The following SCAPER variants were observed in gnomAD, a reference collection of about 807,000 sequenced individuals.
SCAPER encodes the protein S phase cyclin A-associated protein in the endoplasmic reticulum.
A neutral mutation model predicts 182.2 loss-of-function variants in SCAPER; 98 were observed. The ratio of observed to expected loss-of-function variants is 0.54; its 90% CI spans 0.46 to 0.64. SCAPER has a LOEUF of 0.64. SCAPER is among the 30% of genes least tolerant of loss of function. The pLI is 0.00. For missense variants in SCAPER, 1,432 were observed against 1,690.0 expected (o/e 0.85, Z 2.68); for synonymous variants, 605 against 564.6 (o/e 1.07, Z -1.01).
chr15:76,699,837 T>C (rs771219140), intron 20 of SCAPER, among the ~76,000 whole-genome samples: 7 of 152,266 alleles, frequency 4.6e-5, no homozygotes, highest in Non-Finnish European at 1.0e-4. Context: ...CAGTTGCAGC[T>C]GGCAGAGTGT....
chr15:76,446,683 AC>A (rs1188650987), intron 25 of SCAPER, among the ~76,000 whole-genome samples: 1 of 152,162 alleles, frequency 6.6e-6, no homozygotes, highest in African/African-American at 2.4e-5. Flanking sequence ...ATTCTGGAGA[AC>A]CCCCTACAGT....
At chr15:76,837,031 A>G (rs1379665202) in intron 5 of SCAPER, among the ~76,000 whole-genome samples, 1 of 152,202 alleles carries the variant, frequency 6.6e-6, no homozygotes, top group Non-Finnish European at 1.5e-5. Flanking sequence ...AAAATAAAAA[A>G]TAGACAAGTG....
chr15:76,694,363 T>G (rs924697757), intron 20 of SCAPER, among the ~76,000 whole-genome samples: 1 of 152,170 alleles, frequency 6.6e-6, no homozygotes, highest in African/African-American at 2.4e-5. Context: ...ATGAATGAGA[T>G]AATTTTATTA....
chr15:76,439,377 G>T (rs1382699759), intron 25 of SCAPER, among the ~76,000 whole-genome samples: 2 of 152,128 alleles, frequency 1.3e-5, no homozygotes, highest in Non-Finnish European at 2.9e-5. Flanking sequence ...TTGACAAAAA[G>T]AAACTTCAAG....
chr15:76,648,061 A>G (rs2093792573), intron 21 of SCAPER, among the ~76,000 whole-genome samples: 1 of 152,190 alleles, frequency 6.6e-6, no homozygotes, highest in Non-Finnish European at 1.5e-5. Context: ...AAAATAAAAT[A>G]CTAATAACAA....
intron 20 of SCAPER, among the ~76,000 whole-genome samples, chr15:76,696,673 TTAGA>T (rs1489003778): frequency 2.6e-5 from 4 of 152,230 alleles, no homozygotes; most frequent in South Asian, 4.1e-4. Flanking sequence ...ATCAGCTTCT[TTAGA>T]TAGTGTGAAA....
intron 15 of SCAPER, among the ~76,000 whole-genome samples, chr15:76,735,718 GA>G (rs1239831747): frequency 6.9e-6 from 1 of 144,414 alleles, no homozygotes; most frequent in African/African-American, 2.5e-5. Flanking sequence ...AAAAAAGAAA[GA>G]AAAAAAGATA....
At chr15:76,469,733 G>A (rs2049984207) in intron 25 of SCAPER, among the ~76,000 whole-genome samples, 1 of 151,884 alleles carries the variant, frequency 6.6e-6, no homozygotes, top group Non-Finnish European at 1.5e-5. Flanking sequence ...AACCTCTCTG[G>A]GACTCAAGTT....
intron 24 of SCAPER, among the ~76,000 whole-genome samples, chr15:76,482,257 C>A (rs991980219): frequency 6.6e-6 from 1 of 152,104 alleles, no homozygotes; most frequent in Non-Finnish European, 1.5e-5. Context: ...AATGGTATAG[C>A]TCCACATAAA....
chr15:76,870,606 TC>T (rs2072643159), intron 2 of SCAPER, among the ~76,000 whole-genome samples: 1 of 151,380 alleles, frequency 6.6e-6, no homozygotes, highest in Non-Finnish European at 1.5e-5. Flanking sequence ...AACTGAAGAA[TC>T]AAAAAACTGA....
intron 8 of SCAPER, among the ~76,000 whole-genome samples, chr15:76,787,271 AC>A (rs1188346524): frequency 6.6e-6 from 1 of 152,252 alleles, no homozygotes; most frequent in Non-Finnish European, 1.5e-5. Context: ...AATTGATGGA[AC>A]AAAAAACATA....
At position 76,793,249 on chromosome 15, in the gene SCAPER, T is replaced by C. The variant is rs1409880217; in HGVS notation, c.772+2031A>G. The C allele has an allele frequency of 6.4e-6, 7 of 1,088,776 alleles. No homozygotes were observed. The South Asian group carries it at 9.4e-5, about 15-fold the overall frequency. The allele number at this position is 1,088,776 out of a possible 1,614,324, so 67.4% of individuals were successfully genotyped here. A position where few individuals can be genotyped will look rare whatever the true frequency, so the allele number is the denominator to read the frequency against. On this transcript the variant is annotated intron_variant, in intron 8 of 31. Transcript: ENST00000563290. Reference sequence around the variant, plus strand: ...AGTATACACCTGTGATATTGCAAAATATATATTTGGTCTTCATCTCAAGTC... The same window carrying C: ...AGTATACACCTGTGATATTGCAAAACATATATTTGGTCTTCATCTCAAGTC...
At chr15:76,434,379 A>G (rs548656596) in intron 25 of SCAPER, 69 bp from the exon 26 acceptor site, 6 of 1,092,782 alleles carry the variant, frequency 5.5e-6, no homozygotes, top group Non-Finnish European at 6.7e-6. Flanking sequence ...GACAGTTTAG[A>G]ACATTTCTGG....
chr15:76,394,090 C>G (rs567717624), intron 27 of SCAPER, among the ~76,000 whole-genome samples: 1 of 152,004 alleles, frequency 6.6e-6, no homozygotes, highest in Non-Finnish European at 1.5e-5. Context: ...TTATTGTAAC[C>G]GTAACAAGAA....
intron 22 of SCAPER, among the ~76,000 whole-genome samples, chr15:76,606,564 A>G (rs1161390743): frequency 2.0e-5 from 3 of 151,422 alleles, no homozygotes; most frequent in African/African-American, 7.3e-5. Context: ...CAATTCCTGG[A>G]TATCCTTGTT....
At chr15:76,844,300 G>A (rs1466612070) in intron 4 of SCAPER, among the ~76,000 whole-genome samples, 1 of 147,660 alleles carries the variant, frequency 6.8e-6, no homozygotes, top group African/African-American at 2.5e-5. Flanking sequence ...GCAGGCCAGG[G>A]AAAGAGGGAG....
At chr15:76,719,860 G>C (rs2060103952) in intron 17 of SCAPER, among the ~76,000 whole-genome samples, 1 of 151,350 alleles carries the variant, frequency 6.6e-6, no homozygotes, top group Non-Finnish European at 1.5e-5. Flanking sequence ...AAAAATCTAA[G>C]ATTAATTATT....
chr15:76,692,703 A>G (rs1195494396), intron 20 of SCAPER, among the ~76,000 whole-genome samples: 1 of 151,194 alleles, frequency 6.6e-6, no homozygotes, highest in African/African-American at 2.4e-5. Context: ...AAAGAAAAAA[A>G]AAAAAAAAAG....
chr15:76,753,712 A>G, intron 15 of SCAPER, 96 bp downstream of exon 15: 1 of 1,369,202 alleles, frequency 7.3e-7, no homozygotes, highest in East Asian at 2.4e-5. Context: ...ACAACAGAAT[A>G]AACATTGGAT....
Sources: gnomAD v4.1 joint callset for allele counts (sites outside exome capture counted in the v4.1 genomes callset) on GRCh38, gnomAD v4.1.1 for gene constraint, MANE v1.5 for transcripts, NCBI Gene and HGNC (gene_info 2026-07-23, HGNC 2026-07-21) for gene names.